The following KIAA1958 variants were observed in gnomAD, a reference collection of about 807,000 sequenced individuals.
KIAA1958 encodes the protein uncharacterized protein KIAA1958.
Under a neutral mutation model 47.2 loss-of-function variants are expected in KIAA1958, and 14 were observed. The observed-to-expected ratio is 0.30, with a 90% CI of 0.20 to 0.46. The LOEUF (loss-of-function observed/expected upper bound fraction) is 0.46, where lower values mean the gene tolerates loss of function less well. Ranked by LOEUF, KIAA1958 falls within the 20% of genes least tolerant of loss-of-function variation. KIAA1958 has a pLI of 1.00. For missense variants in KIAA1958, 803 were observed against 909.2 expected (o/e 0.88, Z 1.50); for synonymous variants, 354 against 353.3 (o/e 1.00, Z -0.02).
chr9:112,556,718 T>C (rs1312667709), intron 1 of KIAA1958, among the ~76,000 whole-genome samples: 2 of 152,194 alleles, frequency 1.3e-5, no homozygotes, highest in Admixed American at 6.5e-5. Flanking sequence ...GATGCATACT[T>C]GTTGAAAGAT....
intron 2 of KIAA1958, among the ~76,000 whole-genome samples, chr9:112,623,978 T>A (rs1487998175): frequency 6.6e-6 from 1 of 152,182 alleles, no homozygotes; most frequent in Non-Finnish European, 1.5e-5. Context: ...TTTCTTTATC[T>A]ATAGGAAAGG....
chr9:112,613,890 C>A (rs891027673), intron 2 of KIAA1958, among the ~76,000 whole-genome samples: 1 of 152,142 alleles, frequency 6.6e-6, no homozygotes, highest in East Asian at 1.9e-4. Context: ...TTCCTGTGAC[C>A]CAGCAATTCC....
At chr9:112,549,797 T>A (rs1240747535) in intron 1 of KIAA1958, among the ~76,000 whole-genome samples, 1 of 152,130 alleles carries the variant, frequency 6.6e-6, no homozygotes, top group Non-Finnish European at 1.5e-5. Context: ...TTGTCACGAC[T>A]TGGAGGTGGG....
At chr9:112,554,356 G>A (rs1703957937) in intron 1 of KIAA1958, among the ~76,000 whole-genome samples, 1 of 152,012 alleles carries the variant, frequency 6.6e-6, no homozygotes, top group Non-Finnish European at 1.5e-5. Flanking sequence ...AAATCAGCCG[G>A]GCATGGTGGT....
At chr9:112,490,489 T>C (rs1278339268) in intron 1 of KIAA1958, among the ~76,000 whole-genome samples, 1 of 152,260 alleles carries the variant, frequency 6.6e-6, no homozygotes, top group East Asian at 1.9e-4. Flanking sequence ...GAAATTGCAC[T>C]CTGCCTGTGC....
At position 112,574,953 on chromosome 9, in the gene KIAA1958, A is replaced by G. The variant is rs200423658; in HGVS notation, c.873A>G (p.Ser291=). 2.5e-6 allele frequency: 4 copies of G among 1,614,084 alleles called. No homozygotes were observed. The highest frequency in any genetic ancestry group is 2.5e-6 in the Non-Finnish European group (3 of 1,179,998). Residue 291 remains serine, a synonymous_variant, in exon 2 of 4, where the codon TCA becomes TCG. Coordinates refer to ENST00000337530, the MANE Select transcript of KIAA1958 (RefSeq NM_133465.4). ...VQKTARVSLA[S]PNRGPPGTHG... The stretch of plus-strand genomic sequence containing the variant: ...AGACTGCTAGGGTATCTCTGGCTTC[A>G]CCAAACAGAGGACCCCCTGGTACAC...
chr9:112,548,639 G>A (rs1179665655), intron 1 of KIAA1958, among the ~76,000 whole-genome samples: 1 of 152,160 alleles, frequency 6.6e-6, no homozygotes, highest in Non-Finnish European at 1.5e-5. Context: ...GACAAGCAAT[G>A]TATCTTTAAG....
At chr9:112,619,612 A>C (rs1460871947) in intron 2 of KIAA1958, among the ~76,000 whole-genome samples, 1 of 152,158 alleles carries the variant, frequency 6.6e-6, no homozygotes, top group Non-Finnish European at 1.5e-5. Flanking sequence ...GAGATACATG[A>C]TTTTAAAATA....
At chr9:112,531,666 T>C (rs758430853) in intron 1 of KIAA1958, among the ~76,000 whole-genome samples, 1 of 152,238 alleles carries the variant, frequency 6.6e-6, no homozygotes, top group Non-Finnish European at 1.5e-5. Context: ...GAAGACATAG[T>C]CCATAATTCA....
intron 2 of KIAA1958, among the ~76,000 whole-genome samples, chr9:112,642,411 T>C (rs979671858): frequency 6.6e-6 from 1 of 152,244 alleles, no homozygotes; most frequent in Non-Finnish European, 1.5e-5. Flanking sequence ...CCCTTGTCCA[T>C]GTCCAATGGG....
intron 1 of KIAA1958, among the ~76,000 whole-genome samples, chr9:112,487,760 T>C (rs1440966104): frequency 1.3e-5 from 2 of 152,092 alleles, no homozygotes; most frequent in African/African-American, 4.8e-5. Flanking sequence ...TTGTGTTTGT[T>C]ATCAAATATA....
chr9:112,589,467 C>T (rs1835882602), intron 2 of KIAA1958, among the ~76,000 whole-genome samples: 1 of 152,202 alleles, frequency 6.6e-6, no homozygotes. Flanking sequence ...TGGCATGTGC[C>T]TGTAATCCCA....
chr9:112,611,563 A>T (rs1169188186), intron 2 of KIAA1958, among the ~76,000 whole-genome samples: 1 of 152,144 alleles, frequency 6.6e-6, no homozygotes, highest in East Asian at 1.9e-4. Context: ...GAGAAAATCA[A>T]AAAGCTGTTT....
intron 1 of KIAA1958, among the ~76,000 whole-genome samples, chr9:112,567,505 C>T (rs1215617778): frequency 2.0e-5 from 3 of 152,162 alleles, no homozygotes; most frequent in Non-Finnish European, 4.4e-5. Flanking sequence ...AGGTAAAAAC[C>T]AGATGAATCT....
At chr9:112,577,173 T>C (rs1835660058) in intron 2 of KIAA1958, among the ~76,000 whole-genome samples, 1 of 152,140 alleles carries the variant, frequency 6.6e-6, no homozygotes, top group East Asian at 1.9e-4. Context: ...TACTCAAATC[T>C]TTTGGCCATT....
chr9:112,602,114 T>A (rs957213243), intron 2 of KIAA1958, among the ~76,000 whole-genome samples: 1 of 151,906 alleles, frequency 6.6e-6, no homozygotes, highest in Admixed American at 6.6e-5. Flanking sequence ...ATGCAAGGAG[T>A]TGGGTGTTTA....
intron 2 of KIAA1958, among the ~76,000 whole-genome samples, chr9:112,622,425 G>A (rs959057309): frequency 6.6e-6 from 1 of 152,112 alleles, no homozygotes; most frequent in African/African-American, 2.4e-5. Context: ...GCATAATTTG[G>A]TCTTTCTACC....
At chr9:112,622,557 A>C (rs1836527352) in intron 2 of KIAA1958, among the ~76,000 whole-genome samples, 1 of 152,198 alleles carries the variant, frequency 6.6e-6, no homozygotes, top group Admixed American at 6.5e-5. Flanking sequence ...ATTCCATTTG[A>C]TATCATGGTT....
intron 1 of KIAA1958, among the ~76,000 whole-genome samples, chr9:112,546,922 G>T (rs951943343): frequency 1.5e-4 from 23 of 151,922 alleles, no homozygotes; most frequent in African/African-American, 5.6e-4. Context: ...TACCAGAGTT[G>T]TAAACCAGAA....
Sources: allele counts gnomAD v4.1 joint callset (sites outside exome capture counted in the v4.1 genomes callset), GRCh38; gene constraint gnomAD v4.1.1; transcripts MANE v1.5; gene names NCBI Gene and HGNC (gene_info 2026-07-23, HGNC 2026-07-21).